The following RNF135 variants were observed in gnomAD, a reference collection of about 807,000 sequenced individuals.
RNF135 encodes ring finger protein 135.
RNF135 carries 46 observed loss-of-function variants against 41.9 expected under a neutral mutation model. That is an observed-to-expected ratio of 1.10 (90% CI 0.87 to 1.40). RNF135 has a LOEUF of 1.40. RNF135 is among the 40% of genes most tolerant of loss of function. The pLI is 0.00. For missense variants in RNF135, 539 were observed against 549.8 expected, an observed-to-expected ratio of 0.98 and a Z score of 0.20; for synonymous variants, 238 against 223.8, an observed-to-expected ratio of 1.06 and a Z score of -0.57.
In RNF135 at chr17:30,984,679, T is replaced by A; in HGVS notation, c.435T>A (p.Leu145=). The A allele has an allele frequency of 6.2e-7, 1 of 1,614,134 alleles. No homozygotes were observed. Among genetic ancestry groups the A allele is most frequent in the Non-Finnish European group, 8.5e-7 (1 of 1,180,024 alleles). Residue 145 remains leucine, a synonymous_variant, in exon 2 of 5, where the codon CTT becomes CTA. Coordinates refer to ENST00000328381, the MANE Select transcript of RNF135 (RefSeq NM_032322.4). ...AGCTGACAGAGCTGGTGGAACATCT[T>A]GTAGACATTGTCAGAAGCCTGCAGA... ...AQELTELVEH[L]VDIVRSLQNQ... is the part of the protein sequence containing the mutation.
chr17:30,988,747 GTCT>G (rs1379414514), intron 3 of RNF135, among the ~76,000 whole-genome samples: 3 of 145,564 alleles, frequency 2.1e-5, no homozygotes, highest in South Asian at 2.2e-4. Flanking sequence ...ACTAGTAAAT[GTCT>G]TCTTCTTTTT....
chr17:30,999,528 C>A lies in RNF135; in HGVS notation c.*337C>A, dbSNP rs1260304267. 3.1e-6 allele frequency: 1 copy of A among 325,630 alleles called. No individual in the cohort carries two copies. Among genetic ancestry groups the A allele is most frequent in the Non-Finnish European group, 5.9e-6 (1 of 168,408 alleles). 20.2% of individuals were successfully genotyped at this position (325,630 alleles called of 1,614,324 possible). On this transcript the variant is annotated 3_prime_UTR_variant, in exon 5 of 5. Transcript: ENST00000328381. Reference sequence around the variant, plus strand: ...CCCCTGCCTGGCTCCTGGGAGATAACCTCTAAGCCATTAGAATATCTTGCC... The same window carrying A: ...CCCCTGCCTGGCTCCTGGGAGATAAACTCTAAGCCATTAGAATATCTTGCC...
the RNF135 span, among the ~76,000 whole-genome samples, chr17:30,964,738 A>G: frequency 1.3e-5 from 2 of 149,838 alleles, no homozygotes; most frequent in African/African-American, 2.5e-5. Context: ...AGGCTCGAGT[A>G]CAGTGGTGCA....
chr17:30,998,337 G>C (rs995138484), intron 4 of RNF135, among the ~76,000 whole-genome samples: 3 of 152,158 alleles, frequency 2.0e-5, no homozygotes. Flanking sequence ...TCAGGAGTTC[G>C]ACACCAGCCT....
intron 2 of RNF135, among the ~76,000 whole-genome samples, chr17:30,985,203 C>T (rs985356387): frequency 1.3e-5 from 2 of 152,220 alleles, no homozygotes; most frequent in African/African-American, 4.8e-5. Context: ...GAATTAAATG[C>T]TGGAGTTCCT....
intron 4 of RNF135, among the ~76,000 whole-genome samples, chr17:30,998,025 T>C (rs1908484104): frequency 1.3e-5 from 2 of 152,228 alleles, no homozygotes; most frequent in African/African-American, 2.4e-5. Flanking sequence ...GCTGTGGTCA[T>C]AAATCACCAT....
chr17:30,984,436 C>T (rs1458570415), intron 1 of RNF135, among the ~76,000 whole-genome samples, 181 bp from the exon 2 acceptor site: 1 of 152,140 alleles, frequency 6.6e-6, no homozygotes, highest in Non-Finnish European at 1.5e-5. Flanking sequence ...GTCTTGGCAC[C>T]TTCGTCAAAA....
upstream of RNF135, among the ~76,000 whole-genome samples, chr17:30,966,575 G>A (rs1474936301): frequency 4.0e-5 from 6 of 151,072 alleles, no homozygotes; most frequent in African/African-American, 1.5e-4. Flanking sequence ...GCTCACTGCA[G>A]GCTCTGCCTC....
At chr17:30,975,709 C>G (rs1453481837) in intron 1 of RNF135, 1 of 1,419,414 alleles carries the variant, frequency 7.0e-7, no homozygotes, top group Non-Finnish European at 9.9e-7. Flanking sequence ...ACACACTACC[C>G]AGATTGCCCA....
At chr17:30,983,347 A>T (rs1376217074) in intron 1 of RNF135, among the ~76,000 whole-genome samples, 1,661 of 36,766 alleles carry the variant, frequency 0.045, 91 homozygotes, top group Non-Finnish European at 0.051. Flanking sequence ...ATATATATAT[A>T]TATATATTTT....
chr17:30,984,820 A>T, intron 2 of RNF135, 60 bp downstream of exon 2: 1 of 1,550,140 alleles, frequency 6.5e-7, no homozygotes, highest in Non-Finnish European at 8.9e-7. Flanking sequence ...ATTGCTTTCA[A>T]CTGGAACAAC....
intron 1 of RNF135, chr17:30,972,566 C>T (rs1025573733): frequency 6.6e-6 from 1 of 152,220 alleles, no homozygotes; most frequent in African/African-American, 2.4e-5. Context: ...TCCCTCTAGC[C>T]CCTGCTCACA....
intron 1 of RNF135, chr17:30,980,073 A>G (rs569833431): frequency 0.14 from 16,333 of 114,038 alleles, 4,444 homozygotes; most frequent in African/African-American, 0.6. Flanking sequence ...GCGGCTGGCC[A>G]GGCGGGGGGC....
intron 1 of RNF135, among the ~76,000 whole-genome samples, chr17:30,976,386 G>A (rs1324658281): frequency 6.6e-6 from 1 of 152,200 alleles, no homozygotes; most frequent in Non-Finnish European, 1.5e-5. Context: ...ACCTATCCTT[G>A]AGAATGATCA....
At chr17:30,979,299 C>G (rs1411649149) in intron 1 of RNF135, 2 of 138,542 alleles carry the variant, frequency 1.4e-5, no homozygotes, top group African/African-American at 2.8e-5. Context: ...TCCTCACTTC[C>G]CAGTAGGGGC....
chr17:30,988,107 G>A lies in RNF135; in HGVS notation c.679+1G>A, dbSNP rs1190149284. The A allele has an allele frequency of 6.2e-7, 1 of 1,613,868 alleles. No individual in the cohort carries two copies. Among genetic ancestry groups the A allele is most frequent in the East Asian group, 2.2e-5 (1 of 44,880 alleles). On this transcript the variant is annotated splice_donor_variant, in intron 3 of 4. Coordinates refer to ENST00000328381, the MANE Select transcript of RNF135 (RefSeq NM_032322.4). LOFTEE classifies it high-confidence loss of function. ...GAGGCTCCTGAAGCACAAATGCAGG[G>A]TGAGCTGATCTTATTTATTGGAGGA... is the stretch of plus-strand genomic sequence containing the variant.
upstream of RNF135, chr17:30,970,930 A>C: frequency 4.4e-6 from 5 of 1,136,886 alleles, no homozygotes; most frequent in Non-Finnish European, 6.2e-6. Flanking sequence ...GATCGGAGGA[A>C]GGAGACGGGG....
rs150766702 is a variant in RNF135, at chr17:30,991,759, A to G, written c.679+3653A>G. Among the ~76,000 whole-genome samples the G allele has an allele frequency of 2.6e-5, 4 of 152,138 alleles. No individual in the cohort carries two copies. In the East Asian group the frequency reaches 7.8e-4, roughly 30 times the overall value. On this transcript the variant is annotated intron_variant, in intron 3 of 4. Coordinates refer to ENST00000328381, the MANE Select transcript of RNF135 (RefSeq NM_032322.4). ...TGTTTCTCCATGAATTGTCTTTCAT[A>G]TCTTGTGTTATTGGTCTTTTAAAAA... is the stretch of plus-strand genomic sequence containing the variant.
At position 30,975,830 on chromosome 17, in the gene RNF135, A is replaced by G. The variant is rs1335564482; in HGVS notation, c.372+4385A>G. The G allele has an allele frequency of 5.3e-6, 5 of 948,980 alleles. No individual in the cohort carries two copies. In the Admixed American group the frequency reaches 8.9e-5, roughly 17 times the overall value. The allele number at this position is 948,980 out of a possible 1,614,324, so 58.8% of individuals were successfully genotyped here. On this transcript the variant is annotated intron_variant, in intron 1 of 4. Transcript: ENST00000328381. ...TGCAGATGACTTCGTTGGCCACAGAATAGTCCATTTTGGCTGCTGCCAAGC... is the reference window on the plus strand; with the variant it reads ...TGCAGATGACTTCGTTGGCCACAGAGTAGTCCATTTTGGCTGCTGCCAAGC...
Sources: gnomAD v4.1 joint callset for allele counts (sites outside exome capture counted in the v4.1 genomes callset) on GRCh38, gnomAD v4.1.1 for gene constraint, MANE v1.5 for transcripts, NCBI Gene and HGNC (gene_info 2026-07-23, HGNC 2026-07-21) for gene names.